Variants in ZSCAN21 observed in about 807,000 individuals in gnomAD.
The protein encoded by ZSCAN21 is zinc finger and SCAN domain containing 21.
In ZSCAN21, 26 loss-of-function variants were observed where a neutral mutation model predicts 35.6. The ratio of observed to expected loss-of-function variants is 0.73; its 90% CI spans 0.54 to 1.01. ZSCAN21 has a LOEUF of 1.01. Among genes scored for constraint, ZSCAN21 ranks in the 50% least tolerant of loss-of-function variants. ZSCAN21 has a pLI of 0.00. For missense variants in ZSCAN21, 593 were observed against 587.1 expected (o/e 1.01, Z -0.10); for synonymous variants, 219 against 219.3 (o/e 1.00, Z 0.01).
intron 1 of ZSCAN21, among the ~76,000 whole-genome samples, chr7:100,054,973 T>G (rs1236367980): frequency 8.4e-6 from 1 of 118,490 alleles, no homozygotes; most frequent in African/African-American, 3.0e-5. Flanking sequence ...TTTTTTTTTT[T>G]GAGACTGAGT....
rs1043727936 is a variant in ZSCAN21 at position 100,063,951 on chromosome 7, C to T, written c.756C>T (p.Pro252=). 3 of 1,614,024 alleles carry T rather than the reference C, an allele frequency of 1.9e-6. No individual in the cohort carries two copies. The African/African-American group carries it at 4.0e-5, about 22-fold the overall frequency. Residue 252 remains proline (P), a synonymous_variant, in exon 4 of 4, where the codon CCC becomes CCT. Transcript: ENST00000292450. ...VNLENEKGTK[P]PLQEAGSKKG... is the part of the protein sequence containing the mutation. ...TTGAAAATGAAAAAGGAACAAAACC[C>T]CCTCTTCAAGAGGCAGGCTCCAAGA...
At chr7:100,063,388 A>G (rs894635901) in intron 3 of ZSCAN21, among the ~76,000 whole-genome samples, 1 of 152,148 alleles carries the variant, frequency 6.6e-6, no homozygotes, top group Non-Finnish European at 1.5e-5. Flanking sequence ...ACCTGAGGTC[A>G]GGAGATCAAG....
At chr7:100,059,277 G>A (rs1487569176) in intron 3 of ZSCAN21, among the ~76,000 whole-genome samples, 3 of 152,228 alleles carry the variant, frequency 2.0e-5, no homozygotes, top group African/African-American at 7.2e-5. Context: ...CATGGTTTAT[G>A]GTGAACACAG....
At chr7:100,058,108 TTGAAGTC>T (rs1223922042) in intron 3 of ZSCAN21, among the ~76,000 whole-genome samples, 1 of 152,224 alleles carries the variant, frequency 6.6e-6, no homozygotes, top group East Asian at 1.9e-4. Context: ...CAGTTTCTCT[TTGAAGTC>T]TGAGTATTAC....
At chr7:100,052,849 C>T (rs1791931807) in intron 1 of ZSCAN21, among the ~76,000 whole-genome samples, 1 of 152,118 alleles carries the variant, frequency 6.6e-6, no homozygotes, top group Admixed American at 6.6e-5. Flanking sequence ...TGATGTACCA[C>T]CGGGCGTGGT....
chr7:100,052,222 A>C (rs532633257), intron 1 of ZSCAN21, among the ~76,000 whole-genome samples: 26 of 151,964 alleles, frequency 1.7e-4, no homozygotes, highest in Middle Eastern at 3.4e-3. Context: ...GCACCACTAC[A>C]CGCCAGCCTG....
chr7:100,063,682 C>T (rs1324364068), intron 3 of ZSCAN21, 106 bp from the exon 4 acceptor site: 1 of 1,063,076 alleles, frequency 9.4e-7, no homozygotes, highest in Non-Finnish European at 1.4e-6. Flanking sequence ...GTTTAGTCAC[C>T]CTTCAGAAAC....
intron 1 of ZSCAN21, among the ~76,000 whole-genome samples, chr7:100,055,687 C>T (rs1792047981): frequency 1.3e-5 from 2 of 149,638 alleles, no homozygotes; most frequent in Non-Finnish European, 3.0e-5. Context: ...GTCACCCAGG[C>T]TGGAGTGCAG....
rs575281616 is a variant in ZSCAN21, at chr7:100,064,269, G to A, written c.1074G>A (p.Ala358=). Residue 358 remains alanine, a synonymous_variant, in exon 4 of 4, where the codon GCG becomes GCA. Transcript: ENST00000292450. ...LKHQRMHTEE[A]PYQCKDCGKA... ...ATCAGAGAATGCACACAGAAGAGGC[G>A]CCATATCAGTGCAAAGATTGTGGCA... The A allele has an allele frequency of 1.4e-5, 22 of 1,614,050 alleles. No individual in the cohort carries two copies. In the African/African-American group the frequency reaches 1.6e-4, roughly 12 times the overall value.
At chr7:100,062,536 G>C (rs746550846) in intron 3 of ZSCAN21, among the ~76,000 whole-genome samples, 1 of 151,132 alleles carries the variant, frequency 6.6e-6, no homozygotes, top group Non-Finnish European at 1.5e-5. Context: ...CAGAGGTTGC[G>C]GTGAGCTGAG....
At position 100,064,538 on chromosome 7, in the gene ZSCAN21, A is replaced by G. The variant is rs1354535290; in HGVS notation, c.1343A>G (p.His448Arg). 1 of 1,614,196 alleles carries G rather than the reference A, an allele frequency of 6.2e-7. No individual in the cohort carries two copies. The highest frequency in any genetic ancestry group is 8.5e-7 in the Non-Finnish European group (1 of 1,180,048). ...GGGGAAAAGCCCTACTGGTGTCATCACTGTGGAAAGACCTTCTGTAGCAAG... is the reference window on the plus strand; with the variant it reads ...GGGGAAAAGCCCTACTGGTGTCATCGCTGTGGAAAGACCTTCTGTAGCAAG... The part of the protein sequence containing the change: ...HTGEKPYWCH[H>R]CGKTFCSKSN... The change falls in exon 4 of 4, where the codon CAC becomes CGC. Residue 448 changes from histidine to arginine, a missense_variant. Coordinates refer to ENST00000292450, the MANE Select transcript of ZSCAN21 (RefSeq NM_145914.3).
chr7:100,053,546 A>ATACATACATACATACATACATAAT (rs755978112), intron 1 of ZSCAN21, among the ~76,000 whole-genome samples: 2 of 79,488 alleles, frequency 2.5e-5, no homozygotes, highest in African/African-American at 1.1e-4. Flanking sequence ...TACATACATA[A>ATACATACATACATACATACATAAT]TTTTTTTTTT....
intron 1 of ZSCAN21, among the ~76,000 whole-genome samples, chr7:100,052,593 A>C (rs1791920769): frequency 6.6e-6 from 1 of 152,064 alleles, no homozygotes; most frequent in Admixed American, 6.6e-5. Context: ...TAAGGTTGAG[A>C]TGTCTTACTG....
chr7:100,050,620 C>G (rs780805894), intron 1 of ZSCAN21, among the ~76,000 whole-genome samples: 7 of 152,030 alleles, frequency 4.6e-5, no homozygotes, highest in Non-Finnish European at 1.0e-4. Context: ...ATCGCTTGAA[C>G]CCACCAGGTG....
chr7:100,057,025 G>T lies in ZSCAN21; in HGVS notation c.19G>T (p.Gly7Cys), dbSNP rs1403927965. Residue 7 changes from glycine to cysteine, a missense_variant, in exon 2 of 4, where the codon GGC becomes TGC. Coordinates refer to ENST00000292450, the MANE Select transcript of ZSCAN21 (RefSeq NM_145914.3). Reference protein sequence around the residue: MMTKVLGMAPVLGPRPP... With the variant: MMTKVLCMAPVLGPRPP... ...AGTTTACATGATGACCAAGGTACTA[G>T]GCATGGCCCCAGTTCTGGGCCCTAG... is the stretch of plus-strand genomic sequence containing the variant. The T allele has an allele frequency of 6.2e-7, 1 of 1,611,306 alleles. No individual in the cohort carries two copies. The highest frequency in any genetic ancestry group is 8.5e-7 in the Non-Finnish European group (1 of 1,178,756).
Position 100,064,540 on chromosome 7 carries a change from T to A in ZSCAN21, c.1345T>A (p.Cys449Ser). 1 of 1,614,188 alleles carries A rather than the reference T, an allele frequency of 6.2e-7. No homozygotes were observed. The highest frequency in any genetic ancestry group is 1.1e-5 in the South Asian group (1 of 91,078). The change falls in exon 4 of 4, where the codon TGT becomes AGT. Residue 449 changes from cysteine to serine, a missense_variant. Transcript: ENST00000292450. ...TGEKPYWCHH[C>S]GKTFCSKSNL... The stretch of plus-strand genomic sequence containing the variant: ...GGAAAAGCCCTACTGGTGTCATCAC[T>A]GTGGAAAGACCTTCTGTAGCAAGTC...
Position 100,057,865 on chromosome 7 carries a change from C to T in ZSCAN21, c.567C>T (p.Phe189=), listed in dbSNP as rs761647964. ...YIQESGEEQE[F]AQDPRKVRDC... ...AAGAGTCTGGTGAGGAGCAGGAGTT[C>T]GCTCAAGATCCAAGAAAGGTCCGAG... Residue 189 remains phenylalanine (F), a synonymous_variant, in exon 3 of 4, where the codon TTC becomes TTT. Coordinates refer to ENST00000292450, the MANE Select transcript of ZSCAN21 (RefSeq NM_145914.3). 5.0e-6 allele frequency: 8 copies of T among 1,610,470 alleles called. No individual in the cohort carries two copies. Among genetic ancestry groups the T allele is most frequent in the East Asian group, 4.5e-5 (2 of 44,750 alleles).
At chr7:100,059,550 TC>T (rs1438307014) in intron 3 of ZSCAN21, among the ~76,000 whole-genome samples, 5 of 109,924 alleles carry the variant, frequency 4.5e-5, no homozygotes, top group African/African-American at 1.0e-4. Flanking sequence ...TTGCATAAAG[TC>T]TTTTTTTTTT....
intron 3 of ZSCAN21, 75 bp from the exon 4 acceptor site, chr7:100,063,713 T>A (rs907532383): frequency 2.1e-6 from 3 of 1,421,634 alleles, no homozygotes; most frequent in Non-Finnish European, 2.9e-6. Context: ...ACCTGATGGT[T>A]CTATCTCTCT....
Sources: allele counts gnomAD v4.1 joint callset (sites outside exome capture counted in the v4.1 genomes callset), GRCh38; gene constraint gnomAD v4.1.1; transcripts MANE v1.5; gene names NCBI Gene and HGNC (gene_info 2026-07-23, HGNC 2026-07-21).